CADPS2: variants seen among roughly 807,000 people sequenced by gnomAD.
CADPS2 encodes calcium-dependent secretion activator 2.
In CADPS2, 93 loss-of-function variants were observed where a neutral mutation model predicts 172.5. The ratio of observed to expected loss-of-function variants is 0.54; its 90% CI spans 0.46 to 0.64. The LOEUF (loss-of-function observed/expected upper bound fraction) is 0.64. Ranked by LOEUF, CADPS2 falls within the 30% of genes least tolerant of loss-of-function variation. The probability of loss-of-function intolerance (pLI) is 0.00; values close to 1 mark genes in which losing one functional copy is unlikely to be tolerated. For synonymous variants in CADPS2, 546 were observed against 555.2 expected (o/e 0.98, Z 0.23); for missense variants, 1,420 against 1,565.9 (o/e 0.91, Z 1.57).
In CADPS2 at chr7:122,652,517, C is replaced by T. The variant is rs181894889; in HGVS notation, c.786+10720G>A. Among the ~76,000 whole-genome samples the T allele has an allele frequency of 6.8e-4, 104 of 152,150 alleles. No homozygotes were observed. In the East Asian group the frequency reaches 0.019, roughly 29 times the overall value. On this transcript the variant is annotated intron_variant, in intron 3 of 29. Coordinates refer to ENST00000449022, the MANE Select transcript of CADPS2 (RefSeq NM_017954.11). Reference sequence around the variant, plus strand: ...GAATATATATATTTGAAATTAACTGCATTTCCTTAAAATATTCCAAAATTA... The same window carrying T: ...GAATATATATATTTGAAATTAACTGTATTTCCTTAAAATATTCCAAAATTA...
rs752888657 is a variant in CADPS2 at position 122,621,520 on chromosome 7, C to A, written c.1065G>T (p.Gln355His). 1.9e-6 allele frequency: 3 copies of A among 1,613,748 alleles called. No individual in the cohort carries two copies. Among genetic ancestry groups the A allele is most frequent in the African/African-American group, 2.7e-5 (2 of 75,010 alleles). Residue 355 changes from glutamine to histidine, a missense_variant, in exon 5 of 30, where the codon CAG (glutamine) becomes CAT (histidine). Coordinates refer to ENST00000449022, the MANE Select transcript of CADPS2 (RefSeq NM_017954.11). ...FLDIGDENEIQLSKSDVVLSF... is the reference protein window; with the variant it reads ...FLDIGDENEIHLSKSDVVLSF... ...ACAGTACCACGTCGGACTTTGACAGCTGAATCTCATTCTCATCTCCTATGT... is the reference window on the plus strand; with the variant it reads ...ACAGTACCACGTCGGACTTTGACAGATGAATCTCATTCTCATCTCCTATGT...
intron 8 of CADPS2, among the ~76,000 whole-genome samples, chr7:122,527,580 A>AAGAGAGAGAGAGAGAGAGAG: frequency 2.3e-5 from 2 of 85,512 alleles, no homozygotes; most frequent in East Asian, 6.2e-4. Context: ...GATAATACTG[A>AAGAGAGAGAGAGAGAGAGAG]ATAGAGAGAG....
At chr7:122,411,097 CTCCA>C (rs938054060) in intron 19 of CADPS2, among the ~76,000 whole-genome samples, 2 of 152,122 alleles carry the variant, frequency 1.3e-5, no homozygotes, top group African/African-American at 2.4e-5. Context: ...CTCTCTCTCT[CTCCA>C]TCCATCCATC....
intron 8 of CADPS2, among the ~76,000 whole-genome samples, chr7:122,520,796 C>T (rs934531599): frequency 2.0e-5 from 3 of 151,942 alleles, no homozygotes; most frequent in African/African-American, 7.3e-5. Flanking sequence ...GCACACAATT[C>T]TAATAGAAAT....
intron 6 of CADPS2, among the ~76,000 whole-genome samples, chr7:122,609,893 G>A (rs2074076052): frequency 6.6e-6 from 1 of 152,160 alleles, no homozygotes; most frequent in South Asian, 2.1e-4. Context: ...TATGATGATG[G>A]AGGAGATGAA....
chr7:122,730,709 A>G (rs2091555531), intron 2 of CADPS2, among the ~76,000 whole-genome samples: 1 of 151,690 alleles, frequency 6.6e-6, no homozygotes, highest in Non-Finnish European at 1.5e-5. Context: ...AGCTATTGAA[A>G]TTATACAGGC....
chr7:122,637,208 T>TTTTTTTTTTTTTTTTTCTCTC (rs778963218), intron 3 of CADPS2, among the ~76,000 whole-genome samples: 1 of 62,664 alleles, frequency 1.6e-5, no homozygotes, highest in African/African-American at 6.2e-5. Context: ...TTTTTTTTTT[T>TTTTTTTTTTTTTTTTTCTCTC]CCTGAGACAG....
chr7:122,660,607 A>AG (rs2080418329), intron 3 of CADPS2, among the ~76,000 whole-genome samples: 1 of 17,554 alleles, frequency 5.7e-5, no homozygotes, highest in African/African-American at 1.6e-4. Flanking sequence ...GTCTGGATTT[A>AG]AAAAAAAAAA....
intron 3 of CADPS2, among the ~76,000 whole-genome samples, chr7:122,650,437 G>A (rs1001652594): frequency 1.3e-5 from 2 of 152,000 alleles, no homozygotes; most frequent in Non-Finnish European, 2.9e-5. Context: ...ACAAAGATGT[G>A]ATCTCTTTGT....
intron 28 of CADPS2, among the ~76,000 whole-genome samples, chr7:122,344,223 T>C (rs2037223517): frequency 6.6e-6 from 1 of 152,212 alleles, no homozygotes; most frequent in South Asian, 2.1e-4. Flanking sequence ...CTTGCATAAT[T>C]AAGTGAAACT....
intron 25 of CADPS2, among the ~76,000 whole-genome samples, chr7:122,366,440 TAA>T (rs539508007): frequency 1.9e-4 from 26 of 135,844 alleles, no homozygotes; most frequent in East Asian, 2.2e-4. Flanking sequence ...CCATCTCTAC[TAA>T]AAAAAAAAAA....
intron 1 of CADPS2, among the ~76,000 whole-genome samples, chr7:122,848,867 G>T (rs1419447731): frequency 6.6e-6 from 1 of 152,032 alleles, no homozygotes; most frequent in Admixed American, 6.6e-5. Context: ...TAGGAACCTG[G>T]GGATTTACAC....
At chr7:122,482,690 A>G (rs1193087234) in intron 11 of CADPS2, among the ~76,000 whole-genome samples, 2 of 152,170 alleles carry the variant, frequency 1.3e-5, no homozygotes, top group Non-Finnish European at 2.9e-5. Flanking sequence ...GAGAAACTCT[A>G]TAGCCCATGG....
At chr7:122,694,271 C>T (rs2084784831) in intron 2 of CADPS2, among the ~76,000 whole-genome samples, 1 of 152,088 alleles carries the variant, frequency 6.6e-6, no homozygotes, top group Admixed American at 6.5e-5. Context: ...GAATGAGAAC[C>T]AAGAATAAGT....
At chr7:122,338,209 C>A (rs897564507) in intron 28 of CADPS2, among the ~76,000 whole-genome samples, 2 of 152,132 alleles carry the variant, frequency 1.3e-5, no homozygotes, top group Non-Finnish European at 2.9e-5. Context: ...CCACCCTGGG[C>A]AACGTGGTGA....
intron 29 of CADPS2, among the ~76,000 whole-genome samples, chr7:122,323,876 TA>T (rs2033189225): frequency 0.038 from 673 of 17,676 alleles, 15 homozygotes; most frequent in African/African-American, 0.058. Flanking sequence ...GTATATTTTA[TA>T]TATATATATA....
intron 1 of CADPS2, among the ~76,000 whole-genome samples, chr7:122,834,465 C>T (rs562144368): frequency 5.9e-5 from 9 of 152,148 alleles, no homozygotes; most frequent in South Asian, 4.2e-4. Flanking sequence ...GCCCACTGAG[C>T]GAGATCCGAA....
rs117913846 is a variant in CADPS2, at chr7:122,560,008, G to A, written c.1336-5319C>T. Among the ~76,000 whole-genome samples the A allele has an allele frequency of 2.0e-5, 3 of 152,138 alleles. No individual in the cohort carries two copies. In the East Asian group the frequency reaches 5.8e-4, roughly 30 times the overall value. The stretch of plus-strand genomic sequence containing the variant: ...GGATCAAGAGGCTGCACATTGTTGG[G>A]TCTGAAAGGCTATTGCCTGGTTAAA... On this transcript the variant is annotated intron_variant, in intron 7 of 29. Transcript: ENST00000449022.
chr7:122,617,683 T>C (rs1053242317), intron 5 of CADPS2, among the ~76,000 whole-genome samples: 1 of 152,086 alleles, frequency 6.6e-6, no homozygotes, highest in Non-Finnish European at 1.5e-5. Flanking sequence ...GGGGACCATA[T>C]AGCACCAAAC....
Sources: gnomAD v4.1 joint callset for allele counts (sites outside exome capture counted in the v4.1 genomes callset) on GRCh38, gnomAD v4.1.1 for gene constraint, MANE v1.5 for transcripts, NCBI Gene and HGNC (gene_info 2026-07-23, HGNC 2026-07-21) for gene names.